The following DIAPH3 variants were observed in gnomAD, a reference collection of about 807,000 sequenced individuals.
The protein encoded by DIAPH3 is diaphanous related formin 3.
A neutral mutation model predicts 144.3 loss-of-function variants in DIAPH3; 117 were observed. That is an observed-to-expected ratio of 0.81 (90% CI 0.70 to 0.95). The LOEUF (loss-of-function observed/expected upper bound fraction) is 0.95, where lower values mean the gene tolerates loss of function less well. DIAPH3 is among the 40% of genes least tolerant of loss of function. The pLI, the probability that DIAPH3 is intolerant of heterozygous loss-of-function variation, is 0.00. For missense variants in DIAPH3, 1,421 were observed against 1,412.7 expected, an observed-to-expected ratio of 1.01 and a Z score of -0.09; for synonymous variants, 519 against 488.9, an observed-to-expected ratio of 1.06 and a Z score of -0.81.
intron 27 of DIAPH3, among the ~76,000 whole-genome samples, chr13:59,706,851 G>A (rs1342891951): frequency 1.3e-5 from 2 of 152,076 alleles, no homozygotes; most frequent in Non-Finnish European, 1.5e-5. Flanking sequence ...GTCTATATTT[G>A]CATTTGTGGA....
At chr13:59,826,812 T>C (rs929476366) in intron 24 of DIAPH3, among the ~76,000 whole-genome samples, 3 of 152,026 alleles carry the variant, frequency 2.0e-5, no homozygotes, top group Non-Finnish European at 4.4e-5. Context: ...CAAAACAGCA[T>C]GGTACTGGTA....
intron 4 of DIAPH3, among the ~76,000 whole-genome samples, chr13:60,052,348 C>A (rs1014553855): frequency 1.3e-5 from 2 of 152,086 alleles, no homozygotes; most frequent in Non-Finnish European, 2.9e-5. Flanking sequence ...ATTTTACTGT[C>A]CCAGGTGACT....
intron 1 of DIAPH3, among the ~76,000 whole-genome samples, chr13:60,136,344 T>C (rs975311173): frequency 3.3e-5 from 5 of 151,954 alleles, no homozygotes; most frequent in Non-Finnish European, 7.4e-5. Context: ...ATCCAGTTCA[T>C]GAGTAGCCAC....
rs560088538 is a variant in DIAPH3, at chr13:60,085,251, T to C, written c.495+8377A>G. Among the ~76,000 whole-genome samples, 12 of 152,254 alleles carry C rather than the reference T, an allele frequency of 7.9e-5. No homozygotes were observed. The East Asian group carries it at 1.7e-3, about 22-fold the overall frequency. On this transcript the variant is annotated intron_variant, in intron 4 of 27. Transcript: ENST00000400324. Reference sequence around the variant, plus strand: ...GAGAATTTCTTAGCAGCTACTAGTATGTATGGTACTTGAACACTCATTTTG... The same window carrying C: ...GAGAATTTCTTAGCAGCTACTAGTACGTATGGTACTTGAACACTCATTTTG...
intron 4 of DIAPH3, among the ~76,000 whole-genome samples, chr13:60,064,732 AT>A (rs1421209575): frequency 3.3e-5 from 5 of 151,980 alleles, no homozygotes; most frequent in African/African-American, 1.2e-4. Context: ...TCCCTTTAGA[AT>A]TTTTCCTTTG....
rs1410870797 is a variant in DIAPH3 at position 59,810,903 on chromosome 13, G to C, written c.3048C>G (p.Ile1016Met). 3.2e-6 allele frequency: 5 copies of C among 1,568,656 alleles called. No individual in the cohort carries two copies. ...CTTTTTCCTCTGCTTCTCTTTTTTT[G>C]ATATTCTCCTTTATTGCTTGCTAAA... ...TTFMQAIKENIKKREAEEKEK... is the reference protein window; with the variant it reads ...TTFMQAIKENMKKREAEEKEK... Residue 1016 changes from isoleucine to methionine, a missense_variant, in exon 25 of 28, where the codon ATC becomes ATG. By Grantham distance (10) the Ile-to-Met change is conservative. Coordinates refer to ENST00000400324, the MANE Select transcript of DIAPH3 (RefSeq NM_001042517.2).
At chr13:60,160,229 A>C (rs919027572) in intron 1 of DIAPH3, among the ~76,000 whole-genome samples, 7 of 152,226 alleles carry the variant, frequency 4.6e-5, no homozygotes, top group Non-Finnish European at 1.0e-4. Context: ...GTCTCAAAAA[A>C]AGAAAAAAAA....
chr13:59,976,454 G>A (rs1283365407), intron 14 of DIAPH3, among the ~76,000 whole-genome samples: 1 of 150,856 alleles, frequency 6.6e-6, no homozygotes, highest in African/African-American at 2.4e-5. Flanking sequence ...GGGCACATAT[G>A]GCTGATGACT....
At chr13:60,124,922 T>C (rs1291738304) in intron 2 of DIAPH3, among the ~76,000 whole-genome samples, 1 of 152,156 alleles carries the variant, frequency 6.6e-6, no homozygotes, top group African/African-American at 2.4e-5. Context: ...TTAAATGGCA[T>C]TATAATGCTT....
intron 23 of DIAPH3, among the ~76,000 whole-genome samples, chr13:59,835,865 A>C (rs1454683184): frequency 6.6e-6 from 1 of 151,848 alleles, no homozygotes; most frequent in African/African-American, 2.4e-5. Context: ...TATGCAGTGT[A>C]GAATATAGAT....
At chr13:60,093,015 A>C (rs1056901621) in intron 4 of DIAPH3, among the ~76,000 whole-genome samples, 2 of 152,098 alleles carry the variant, frequency 1.3e-5, no homozygotes, top group Non-Finnish European at 2.9e-5. Context: ...ATTTATTCAC[A>C]ATTTGTATGT....
chr13:59,773,253 A>C (rs2038219367), intron 27 of DIAPH3, among the ~76,000 whole-genome samples: 1 of 152,194 alleles, frequency 6.6e-6, no homozygotes, highest in Non-Finnish European at 1.5e-5. Flanking sequence ...TTCGGCAGTA[A>C]GGATCCCCAC....
chr13:59,994,601 G>A (rs1029418567), intron 9 of DIAPH3, among the ~76,000 whole-genome samples: 1 of 151,874 alleles, frequency 6.6e-6, no homozygotes, highest in African/African-American at 2.4e-5. Context: ...GGAATATGGA[G>A]ATGCTAAATG....
intron 27 of DIAPH3, among the ~76,000 whole-genome samples, chr13:59,698,519 A>C (rs1025462295): frequency 2.0e-5 from 3 of 152,226 alleles, no homozygotes; most frequent in Non-Finnish European, 4.4e-5. Flanking sequence ...AGCAACCTGA[A>C]TATAAAAATC....
At chr13:59,711,022 A>G (rs1438775532) in intron 27 of DIAPH3, among the ~76,000 whole-genome samples, 1 of 152,248 alleles carries the variant, frequency 6.6e-6, no homozygotes, top group East Asian at 1.9e-4. Flanking sequence ...TGCTCTTTAA[A>G]GTACATGCAA....
chr13:60,091,778 G>A (rs1319129849), intron 4 of DIAPH3, among the ~76,000 whole-genome samples: 1 of 151,934 alleles, frequency 6.6e-6, no homozygotes, highest in Non-Finnish European at 1.5e-5. Context: ...TACCACAAGA[G>A]GCAGTCACCA....
chr13:59,816,012 C>T (rs1000573987), intron 24 of DIAPH3, among the ~76,000 whole-genome samples: 4 of 152,030 alleles, frequency 2.6e-5, no homozygotes, highest in Non-Finnish European at 5.9e-5. Flanking sequence ...TAAATTAGTT[C>T]ATGGTTCTTG....
intron 25 of DIAPH3, among the ~76,000 whole-genome samples, chr13:59,798,680 T>C (rs1336847058): frequency 2.0e-5 from 3 of 152,218 alleles, no homozygotes; most frequent in Non-Finnish European, 4.4e-5. Flanking sequence ...GGATCATTCT[T>C]AGTACAGGAA....
intron 27 of DIAPH3, among the ~76,000 whole-genome samples, chr13:59,714,218 G>A (rs2034910485): frequency 6.6e-6 from 1 of 151,394 alleles, no homozygotes; most frequent in South Asian, 2.1e-4. Context: ...AAATTAGCCG[G>A]GCGTAGTGGC....
Sources: gnomAD v4.1 joint callset for allele counts (sites outside exome capture counted in the v4.1 genomes callset) on GRCh38, gnomAD v4.1.1 for gene constraint, MANE v1.5 for transcripts, NCBI Gene and HGNC (gene_info 2026-07-23, HGNC 2026-07-21) for gene names.